MMEL1: variants seen among roughly 807,000 people sequenced by gnomAD.
MMEL1 encodes the protein membrane metallo-endopeptidase-like 1.
In MMEL1, 98 loss-of-function variants were observed where a neutral mutation model predicts 117.1. The ratio of observed to expected loss-of-function variants is 0.84; its 90% CI spans 0.71 to 0.99. The LOEUF (loss-of-function observed/expected upper bound fraction) is 0.99, where lower values mean the gene tolerates loss of function less well. Among genes scored for constraint, MMEL1 ranks in the 50% least tolerant of loss-of-function variants. The pLI is 0.00. For synonymous variants in MMEL1, 390 were observed against 415.1 expected (o/e 0.94, Z 0.74); for missense variants, 1,014 against 1,049.1 (o/e 0.97, Z 0.46).
chr1:2,601,520 A>G (rs1239010611), intron 11 of MMEL1, among the ~76,000 whole-genome samples: 2 of 152,130 alleles, frequency 1.3e-5, no homozygotes, highest in Non-Finnish European at 2.9e-5. Context: ...GCAGAACACA[A>G]AGAATACTAA....
intron 2 of MMEL1, among the ~76,000 whole-genome samples, chr1:2,614,031 T>G: frequency 6.6e-6 from 1 of 151,954 alleles, no homozygotes; most frequent in South Asian, 2.1e-4. Context: ...ACAAGGGAGT[T>G]TTGGGGGCAA....
chr1:2,629,261 C>A, intron 2 of MMEL1, 70 bp downstream of exon 2: 1 of 1,456,622 alleles, frequency 6.9e-7, no homozygotes. Context: ...GCGGACCCTG[C>A]AGCAGGTGCA....
Position 2,595,354 on chromosome 1 carries a change from C to A in MMEL1, c.1506G>T (p.Met502Ile), listed in dbSNP as rs746958034. ...ESKKKAQEKAMSIREQIGHPD... is the reference protein window; with the variant it reads ...ESKKKAQEKAISIREQIGHPD... ...GGTGCCCGATCTGCTCCCGGATGCT[C>A]ATGGCCTGAGTGGGGAGGAGGGACT... Residue 502 changes from methionine to isoleucine, a missense_variant, in exon 16 of 24, where the codon ATG (methionine) becomes ATT (isoleucine). Transcript: ENST00000378412. This position sits in a 1 kb window ranked among gnomAD's most constrained non-coding sequence, Gnocchi z 4.8. 3.7e-6 allele frequency: 6 copies of A among 1,613,750 alleles called. No homozygotes were observed. Among genetic ancestry groups the A allele is most frequent in the Non-Finnish European group, 5.1e-6 (6 of 1,179,988 alleles).
In MMEL1 at chr1:2,592,828, C is replaced by T. The variant is rs1243540438; in HGVS notation, c.2001+5G>A. 1.2e-6 allele frequency: 2 copies of T among 1,613,520 alleles called. No individual in the cohort carries two copies. Among genetic ancestry groups the T allele is most frequent in the East Asian group, 2.2e-5 (1 of 44,798 alleles). ...CGCAGCCTGGGTGCTGGTGGCAGCGCTCACGTTCTGTTCGTCTGCCAGGTC... is the reference window on the plus strand; with the variant it reads ...CGCAGCCTGGGTGCTGGTGGCAGCGTTCACGTTCTGTTCGTCTGCCAGGTC... On this transcript the variant is annotated splice_donor_5th_base_variant and intron_variant, in intron 20 of 23. Coordinates refer to ENST00000378412, the MANE Select transcript of MMEL1 (RefSeq NM_033467.4).
At chr1:2,596,444 C>T in intron 14 of MMEL1, 117 bp downstream of exon 14, 1 of 1,420,784 alleles carries the variant, frequency 7.0e-7, no homozygotes. Flanking sequence ...CTCCCTCTGT[C>T]TGGTGAGCTG....
In MMEL1 at chr1:2,609,734, AG is replaced by A. The variant is rs1391274427; in HGVS notation, c.389del (p.Pro130LeufsTer47). On this transcript the variant is annotated frameshift_variant, in exon 5 of 24. Coordinates refer to ENST00000378412, the MANE Select transcript of MMEL1 (RefSeq NM_033467.4). LOFTEE classifies it high-confidence loss of function. The stretch of plus-strand genomic sequence containing the variant: ...AGATGCTGTATCTTGAGTTGGTCTC[AG>A]GGATCACGTGGCGCCGCAGCCAGCC... ...CGGWLRRHVI[P>X]ETNSRYSIFD... The A allele has an allele frequency of 6.2e-7, 1 of 1,613,810 alleles. No individual in the cohort carries two copies.
At chr1:2,596,168 A>C in intron 14 of MMEL1, 61 bp from the exon 15 acceptor site, 3 of 1,484,546 alleles carry the variant, frequency 2.0e-6, no homozygotes, top group Non-Finnish European at 2.8e-6. Context: ...GACCAGCCTC[A>C]AGGGCTTTGG....
At chr1:2,597,876 C>T (rs1644869031) in intron 13 of MMEL1, among the ~76,000 whole-genome samples, 1 of 152,256 alleles carries the variant, frequency 6.6e-6, no homozygotes, top group South Asian at 2.1e-4. Flanking sequence ...CCTCTGGCCT[C>T]TGCACTGGCA....
At chr1:2,625,410 G>T (rs898487249) in intron 2 of MMEL1, among the ~76,000 whole-genome samples, 2 of 152,230 alleles carry the variant, frequency 1.3e-5, no homozygotes, top group Admixed American at 1.3e-4. Flanking sequence ...CTCTGCAACA[G>T]GTCCAGGCTG....
chr1:2,609,865 G>T, intron 4 of MMEL1, 34 bp from the exon 5 acceptor site: 1 of 1,578,974 alleles, frequency 6.3e-7, no homozygotes, highest in Non-Finnish European at 8.6e-7. Context: ...CAGGGAGAGG[G>T]GAGACAGAGA....
At chr1:2,613,019 C>T (rs1171289388) in intron 2 of MMEL1, among the ~76,000 whole-genome samples, 1 of 152,140 alleles carries the variant, frequency 6.6e-6, no homozygotes, top group Non-Finnish European at 1.5e-5. Context: ...GCAGAGACTG[C>T]AGAGAGGGTG....
At chr1:2,626,833 T>C (rs1386244252) in intron 2 of MMEL1, among the ~76,000 whole-genome samples, 1 of 152,170 alleles carries the variant, frequency 6.6e-6, no homozygotes, top group African/African-American at 2.4e-5. Context: ...TAATGATAGG[T>C]TGATCCAAAA....
At chr1:2,607,906 C>T (rs1020394357) in intron 6 of MMEL1, among the ~76,000 whole-genome samples, 4 of 152,078 alleles carry the variant, frequency 2.6e-5, no homozygotes, top group African/African-American at 7.2e-5. Flanking sequence ...GGCCGGATGC[C>T]GTGGGGAGTG....
At chr1:2,625,849 C>T (rs1638246869) in intron 2 of MMEL1, among the ~76,000 whole-genome samples, 1 of 152,132 alleles carries the variant, frequency 6.6e-6, no homozygotes, top group South Asian at 2.1e-4. Flanking sequence ...GCTCAAATGC[C>T]CATGGTCTTC....
At chr1:2,605,301 A>G (rs1645004196) in intron 9 of MMEL1, among the ~76,000 whole-genome samples, 1 of 152,182 alleles carries the variant, frequency 6.6e-6, no homozygotes, top group South Asian at 2.1e-4. Context: ...GGGGGATGAC[A>G]GTTCTGCCCC....
intron 1 of MMEL1, among the ~76,000 whole-genome samples, chr1:2,630,858 G>T (rs1041208515): frequency 2.0e-5 from 3 of 150,418 alleles, no homozygotes; most frequent in Non-Finnish European, 4.4e-5. Flanking sequence ...CTGTGTGCGT[G>T]TACTCTCGTG....
rs1309960707 is a variant in MMEL1, at chr1:2,612,991, A to T, written c.155-787T>A. On this transcript the variant is annotated intron_variant, in intron 2 of 23. Coordinates refer to ENST00000378412, the MANE Select transcript of MMEL1 (RefSeq NM_033467.4). This position sits in a 1 kb window ranked among gnomAD's most constrained non-coding sequence, Gnocchi z 5.4. The stretch of plus-strand genomic sequence containing the variant: ...AGGTCAGGGCTGTTGGCAGGCCTGG[A>T]ACCTGGCCTAGCCCTGGGCAGAGAC... Among the ~76,000 whole-genome samples the T allele has an allele frequency of 1.3e-5, 2 of 152,216 alleles. No individual in the cohort carries two copies. The highest frequency in any genetic ancestry group is 2.9e-5 in the Non-Finnish European group (2 of 68,046).
At position 2,590,902 on chromosome 1, in the gene MMEL1, G is replaced by A. The variant is rs1272043904; in HGVS notation, c.*88C>T. ...TTGGCATGGTTGGCCGGGGCGGGAC[G>A]TACACTGGGTCGCCGCTAGCTGCAC... On this transcript the variant is annotated 3_prime_UTR_variant, in exon 24 of 24. Coordinates refer to ENST00000378412, the MANE Select transcript of MMEL1 (RefSeq NM_033467.4). The A allele has an allele frequency of 2.4e-5, 26 of 1,084,438 alleles. No homozygotes were observed. Among genetic ancestry groups the A allele is most frequent in the Non-Finnish European group, 2.8e-5 (23 of 818,232 alleles). 67.2% of individuals were successfully genotyped at this position (1,084,438 alleles called of 1,614,324 possible).
At chr1:2,593,098 T>G in intron 19 of MMEL1, 132 bp from the exon 20 acceptor site, 4 of 1,185,380 alleles carry the variant, frequency 3.4e-6, no homozygotes, top group Non-Finnish European at 4.8e-6. Context: ...ACAGTCTGAG[T>G]AGGCTGAGCC....
Sources: gnomAD v4.1 joint callset for allele counts (sites outside exome capture counted in the v4.1 genomes callset) on GRCh38, gnomAD v4.1.1 for gene constraint, Gnocchi (gnomAD v3.1) non-coding constraint, MANE v1.5 for transcripts, NCBI Gene and HGNC (gene_info 2026-07-23, HGNC 2026-07-21) for gene names.